Variants in TEX11 observed in about 807,000 individuals in gnomAD.
TEX11 encodes the protein testis expressed 11.
A neutral mutation model predicts 84.4 loss-of-function variants in TEX11; 7 were observed. That is an observed-to-expected ratio of 0.08 (90% CI 0.05 to 0.16). The LOEUF (loss-of-function observed/expected upper bound fraction) is 0.16. Among genes scored for constraint, TEX11 ranks in the 10% least tolerant of loss-of-function variants. The pLI is 1.00. For synonymous variants in TEX11, 264 were observed against 222.8 expected (o/e 1.18, Z -1.64); for missense variants, 551 against 660.5 (o/e 0.83, Z 1.82).
chrX:70,817,228 CAT>C (rs1406000506), intron 8 of TEX11, among the ~76,000 whole-genome samples: 4 of 84,329 alleles, frequency 4.7e-5, no homozygotes, highest in African/African-American at 1.6e-4. Flanking sequence ...TACACATACA[CAT>C]ACACACACAC....
At chrX:70,783,574 G>A (rs773597294) in intron 9 of TEX11, among the ~76,000 whole-genome samples, 15 of 111,352 alleles carry the variant, frequency 1.3e-4, no homozygotes, top group South Asian at 3.8e-4. Flanking sequence ...TTGATAGACC[G>A]CTAGCAAGAC....
intron 22 of TEX11, among the ~76,000 whole-genome samples, chrX:70,608,793 C>T (rs1374890495): frequency 9.1e-6 from 1 of 109,604 alleles, no homozygotes; most frequent in Non-Finnish European, 1.9e-5. Flanking sequence ...GGAGCACAAC[C>T]TTGAGGACCT....
At chrX:70,795,095 G>A (rs2091148229) in intron 9 of TEX11, among the ~76,000 whole-genome samples, 3 of 108,867 alleles carry the variant, frequency 2.8e-5, no homozygotes, top group African/African-American at 1.0e-4. Flanking sequence ...CCAGAGAGAA[G>A]TGCACTGCCT....
At chrX:70,546,517 AATAT>A (rs1486313746) in intron 28 of TEX11, among the ~76,000 whole-genome samples, 1 of 111,387 alleles carries the variant, frequency 9.0e-6, no homozygotes, top group Non-Finnish European at 1.9e-5. Context: ...TTGTATCCAG[AATAT>A]ATAAAGAACT....
At chrX:70,629,588 G>A in intron 18 of TEX11, 23 bp downstream of exon 18, 1 of 1,200,931 alleles carries the variant, frequency 8.3e-7, no homozygotes, top group Admixed American at 2.2e-5. Flanking sequence ...TAAAAATCTA[G>A]TAGATGAATA....
At chrX:70,837,301 G>A (rs2091411278) in intron 7 of TEX11, among the ~76,000 whole-genome samples, 2 of 111,490 alleles carry the variant, frequency 1.8e-5, no homozygotes, top group African/African-American at 6.5e-5. Context: ...ACTCATGCCT[G>A]TAATCCCAGC....
At chrX:70,667,048 C>T (rs1434457510) in intron 16 of TEX11, among the ~76,000 whole-genome samples, 1 of 112,387 alleles carries the variant, frequency 8.9e-6, no homozygotes, top group Admixed American at 9.4e-5. Flanking sequence ...ATTTTTTGTA[C>T]AGTTCATAAG....
At chrX:70,580,344 G>A (rs2088754512) in intron 25 of TEX11, among the ~76,000 whole-genome samples, 2 of 112,011 alleles carry the variant, frequency 1.8e-5, no homozygotes, top group South Asian at 7.4e-4. Flanking sequence ...TGGGTAATGG[G>A]TAAAAAATAT....
intron 7 of TEX11, among the ~76,000 whole-genome samples, chrX:70,845,451 T>G (rs907694695): frequency 1.8e-5 from 2 of 111,136 alleles, no homozygotes; most frequent in Non-Finnish European, 3.8e-5. Context: ...CAGGGGCCAC[T>G]GCGCCTGGCC....
intron 25 of TEX11, among the ~76,000 whole-genome samples, chrX:70,582,766 G>A (rs865813371): frequency 2.3e-5 from 1 of 43,413 alleles, no homozygotes; most frequent in East Asian, 7.3e-4. Flanking sequence ...TTATTTATGT[G>A]ATGGAATCTC....
At position 70,795,983 on chromosome X, in the gene TEX11, A is replaced by T. The variant is rs144450177; in HGVS notation, c.692+10722T>A. Among the ~76,000 whole-genome samples the T allele has an allele frequency of 5.6e-3, 623 of 111,642 alleles. 2 individuals are homozygous for T. The highest frequency in any genetic ancestry group is 9.4e-3 in the Non-Finnish European group (500 of 53,180). ...ACAAGCCTCAAGACCATCCAGGAAA[A>T]CATGCCCTTACCAAATGAACTAAAT... is the stretch of plus-strand genomic sequence containing the variant. On this transcript the variant is annotated intron_variant, in intron 9 of 29. Coordinates refer to ENST00000374333, the MANE Select transcript of TEX11 (RefSeq NM_031276.3).
intron 25 of TEX11, among the ~76,000 whole-genome samples, chrX:70,569,826 G>A (rs1200921249): frequency 1.8e-5 from 2 of 111,661 alleles, no homozygotes; most frequent in Admixed American, 1.9e-4. Flanking sequence ...ACTGGGGGGT[G>A]CCTCCCAGTT....
intron 9 of TEX11, among the ~76,000 whole-genome samples, chrX:70,753,098 G>C: frequency 9.3e-6 from 1 of 107,880 alleles, no homozygotes; most frequent in Middle Eastern, 4.7e-3. Flanking sequence ...AAGTACTGTG[G>C]GTCGGTAAAT....
Position 70,605,601 on chromosome X carries a change from TC to T in TEX11, c.1951-85del. ...ACAATCAGAATGAAAATCAGCAACTTCCTGTTTGAATGAGAAAATTCAGCTG... is the reference window on the plus strand; with the variant it reads ...ACAATCAGAATGAAAATCAGCAACTTCTGTTTGAATGAGAAAATTCAGCTG... On this transcript the variant is annotated intron_variant, in intron 23 of 29. Coordinates refer to ENST00000374333, the MANE Select transcript of TEX11 (RefSeq NM_031276.3). The T allele has an allele frequency of 4.8e-6, 3 of 627,599 alleles. No individual in the cohort carries two copies. The Admixed American group carries it at 8.6e-5, about 18-fold the overall frequency. The allele number at this position is 627,599 out of a possible 1,213,427, so 51.7% of individuals were successfully genotyped here. A position where few individuals can be genotyped will look rare whatever the true frequency, so the allele number is the denominator to read the frequency against.
chrX:70,703,364 A>G (rs2090342124), intron 13 of TEX11, among the ~76,000 whole-genome samples: 2 of 111,820 alleles, frequency 1.8e-5, no homozygotes, highest in Non-Finnish European at 3.8e-5. Flanking sequence ...AAAACTGCAG[A>G]TGAGGAAAGT....
At chrX:70,511,894 C>G in the TEX11 span, among the ~76,000 whole-genome samples, 1 of 106,569 alleles carries the variant, frequency 9.4e-6, no homozygotes, top group Non-Finnish European at 1.9e-5. Flanking sequence ...TCCGATTTAC[C>G]CAGTGTTGCC....
chrX:70,591,945 G>C, intron 24 of TEX11, 122 bp from the exon 25 acceptor site: 1 of 456,851 alleles, frequency 2.2e-6, no homozygotes, highest in Non-Finnish European at 3.6e-6. Context: ...AAAAATGATA[G>C]TTTAAACTGA....
At chrX:70,546,047 T>C (rs1020577374) in intron 28 of TEX11, among the ~76,000 whole-genome samples, 20 of 112,226 alleles carry the variant, frequency 1.8e-4, no homozygotes, top group African/African-American at 5.8e-4. Context: ...CTGCCTTACA[T>C]GTGTACAAGC....
intron 24 of TEX11, among the ~76,000 whole-genome samples, chrX:70,604,537 G>A (rs1390444236): frequency 9.0e-6 from 1 of 111,319 alleles, no homozygotes; most frequent in African/African-American, 3.3e-5. Context: ...ACAATGGAAG[G>A]GAAAAGAAGC....
Sources: gnomAD v4.1 joint callset for allele counts (sites outside exome capture counted in the v4.1 genomes callset) on GRCh38, gnomAD v4.1.1 for gene constraint, MANE v1.5 for transcripts, NCBI Gene and HGNC (gene_info 2026-07-23, HGNC 2026-07-21) for gene names.